The following ASTN2 variants were observed in gnomAD, a reference collection of about 807,000 sequenced individuals.
ASTN2 encodes the protein astrotactin-2.
A neutral mutation model predicts 139.8 loss-of-function variants in ASTN2; 54 were observed. That is an observed-to-expected ratio of 0.39 (90% confidence interval 0.31 to 0.48). The LOEUF (loss-of-function observed/expected upper bound fraction) is 0.48. ASTN2 is among the 20% of genes least tolerant of loss of function. The pLI is 0.95. For missense variants in ASTN2, 1,565 were observed against 1,725.1 expected (o/e 0.91, Z 1.64); for synonymous variants, 756 against 719.5 (o/e 1.05, Z -0.81).
At chr9:116,687,076 T>C in intron 16 of ASTN2, 1 of 1,238,832 alleles carries the variant, frequency 8.1e-7, no homozygotes, top group Non-Finnish European at 1.0e-6. Flanking sequence ...TGAGTGAACT[T>C]GAGCAGGTCC....
rs141743709 is a variant in ASTN2 at position 116,440,782 on chromosome 9, G to T, written c.3609C>A (p.Asp1203Glu). The T allele has an allele frequency of 1.2e-6, 2 of 1,613,138 alleles. No individual in the cohort carries two copies. The highest frequency in any genetic ancestry group is 2.2e-5 in the East Asian group (1 of 44,852). Residue 1203 changes from aspartate to glutamate, a missense_variant, in exon 22 of 23, where the codon GAC becomes GAA. Coordinates refer to ENST00000313400, the MANE Select transcript of ASTN2 (RefSeq NM_001365068.1). ...ACCCATTGTACAGATTGTAGATCTT[G>T]TCAGCTATTTCTGAGAGGGCAGAAG... ...VDDNKAEEIADKIYNLYNGYT... is the reference protein window; with the variant it reads ...VDDNKAEEIAEKIYNLYNGYT...
At chr9:117,321,724 CAG>C (rs1828330780) in intron 1 of ASTN2, among the ~76,000 whole-genome samples, 1 of 152,158 alleles carries the variant, frequency 6.6e-6, no homozygotes, top group Admixed American at 6.5e-5. Context: ...TGCTCTAGAA[CAG>C]AGCTTCTCAA....
At chr9:116,430,207 T>C (rs1168740929) in intron 22 of ASTN2, among the ~76,000 whole-genome samples, 2 of 152,220 alleles carry the variant, frequency 1.3e-5, no homozygotes, top group African/African-American at 4.8e-5. Context: ...AATGCCCTTC[T>C]TCCAAAGGAA....
intron 1 of ASTN2, among the ~76,000 whole-genome samples, chr9:117,360,830 C>G (rs1220590830): frequency 6.6e-6 from 1 of 152,162 alleles, no homozygotes; most frequent in Non-Finnish European, 1.5e-5. Flanking sequence ...TGTGCATATA[C>G]TTTTGTACTC....
intron 13 of ASTN2, among the ~76,000 whole-genome samples, chr9:116,746,127 C>T (rs980160844): frequency 6.7e-6 from 1 of 148,304 alleles, no homozygotes; most frequent in Non-Finnish European, 1.5e-5. Context: ...TGCTCTGTCA[C>T]CCAGGCTGGA....
At chr9:116,993,876 A>ATTTTTTTTTTTT (rs1554767643) in intron 7 of ASTN2, among the ~76,000 whole-genome samples, 1 of 142,056 alleles carries the variant, frequency 7.0e-6, no homozygotes, top group South Asian at 2.2e-4. Flanking sequence ...ATATATATAT[A>ATTTTTTTTTTTT]TTTTAACTAT....
intron 10 of ASTN2, among the ~76,000 whole-genome samples, chr9:116,951,706 T>C (rs938854375): frequency 9.8e-5 from 15 of 152,300 alleles, no homozygotes; most frequent in African/African-American, 3.6e-4. Flanking sequence ...AGGGGATCTG[T>C]AAGCATGCAA....
chr9:116,922,745 T>A (rs1381054272), intron 10 of ASTN2, among the ~76,000 whole-genome samples: 3 of 152,194 alleles, frequency 2.0e-5, no homozygotes, highest in African/African-American at 4.8e-5. Context: ...AAACATTCAG[T>A]GTGATCCCAA....
chr9:116,590,499 C>T (rs911741838), intron 19 of ASTN2, among the ~76,000 whole-genome samples: 2 of 152,190 alleles, frequency 1.3e-5, no homozygotes, highest in Non-Finnish European at 2.9e-5. Context: ...CCAGCAGGCA[C>T]CCCTCAGTAT....
chr9:117,368,387 AT>A (rs1829903666), intron 1 of ASTN2, among the ~76,000 whole-genome samples: 1 of 152,186 alleles, frequency 6.6e-6, no homozygotes. Flanking sequence ...TTCCAGAAAC[AT>A]TGCCATGGTA....
intron 11 of ASTN2, among the ~76,000 whole-genome samples, chr9:116,831,340 C>A (rs993255388): frequency 4.6e-5 from 7 of 152,060 alleles, no homozygotes; most frequent in African/African-American, 1.7e-4. Flanking sequence ...CTGCTTATAC[C>A]CCCTAAATAT....
intron 5 of ASTN2, among the ~76,000 whole-genome samples, chr9:117,046,795 T>G (rs889609683): frequency 2.6e-5 from 4 of 152,218 alleles, no homozygotes; most frequent in African/African-American, 9.6e-5. Flanking sequence ...GCCTATAGCA[T>G]GCCTGAATAT....
At chr9:117,242,979 G>A (rs989999669) in intron 2 of ASTN2, among the ~76,000 whole-genome samples, 11 of 151,962 alleles carry the variant, frequency 7.2e-5, no homozygotes, top group Admixed American at 2.6e-4. Flanking sequence ...AATCATCATC[G>A]CCATCGTCAT....
intron 1 of ASTN2, among the ~76,000 whole-genome samples, chr9:117,340,106 A>T (rs1255344667): frequency 1.3e-5 from 2 of 151,690 alleles, no homozygotes; most frequent in African/African-American, 4.8e-5. Context: ...GTCAACAGAA[A>T]GTGTCATGAA....
chr9:117,392,114 C>T (rs1264676707), intron 1 of ASTN2, among the ~76,000 whole-genome samples: 1 of 152,092 alleles, frequency 6.6e-6, no homozygotes, highest in Non-Finnish European at 1.5e-5. Flanking sequence ...GTCATTCTGG[C>T]AGCATGTGAG....
chr9:116,478,219 TGGGGGAGTAAG>T (rs1849052887), intron 20 of ASTN2, among the ~76,000 whole-genome samples: 1 of 42,394 alleles, frequency 2.4e-5, no homozygotes, highest in East Asian at 9.5e-4. Flanking sequence ...GGAGGGGTAG[TGGGGGAGTAAG>T]GGGGGAGGGA....
At chr9:117,104,387 A>G (rs951789124) in intron 4 of ASTN2, among the ~76,000 whole-genome samples, 8 of 152,174 alleles carry the variant, frequency 5.3e-5, no homozygotes, top group African/African-American at 1.9e-4. Context: ...GTAAAAAAAT[A>G]TGCAGAGAAG....
intron 10 of ASTN2, among the ~76,000 whole-genome samples, chr9:116,958,127 A>C (rs1171853817): frequency 1.3e-5 from 2 of 152,106 alleles, no homozygotes; most frequent in African/African-American, 4.8e-5. Flanking sequence ...TAAGGTTATT[A>C]TTTTTACTTT....
intron 2 of ASTN2, among the ~76,000 whole-genome samples, chr9:117,232,512 C>A (rs999172737): frequency 6.6e-6 from 1 of 152,198 alleles, no homozygotes; most frequent in Non-Finnish European, 1.5e-5. Flanking sequence ...TGAGAGGGTG[C>A]CAGGCACTCA....
Sources: gnomAD v4.1 joint callset for allele counts (sites outside exome capture counted in the v4.1 genomes callset) on GRCh38, gnomAD v4.1.1 for gene constraint, MANE v1.5 for transcripts, NCBI Gene and HGNC (gene_info 2026-07-23, HGNC 2026-07-21) for gene names.